The following ADAMTSL1 variants were observed in gnomAD, a reference collection of about 807,000 sequenced individuals.
ADAMTSL1 encodes the protein ADAMTS like 1.
ADAMTSL1 carries 126 observed loss-of-function variants against 201.8 expected under a neutral mutation model. That is an observed-to-expected ratio of 0.62 (90% confidence interval 0.54 to 0.72). ADAMTSL1 has a LOEUF of 0.72. Among genes scored for constraint, ADAMTSL1 ranks in the 30% least tolerant of loss-of-function variants. The pLI is 0.00. For missense variants in ADAMTSL1, 2,679 were observed against 2,277.8 expected, an observed-to-expected ratio of 1.18 and a Z score of -3.59; for synonymous variants, 1,121 against 903.4, an observed-to-expected ratio of 1.24 and a Z score of -4.32.
At chr9:17,908,935 C>A (rs1463666806) in intron 1 of ADAMTSL1, among the ~76,000 whole-genome samples, 1 of 151,742 alleles carries the variant, frequency 6.6e-6, no homozygotes, top group Non-Finnish European at 1.5e-5. Context: ...ACAGTCCCAC[C>A]AACAGTGTAA....
intron 2 of ADAMTSL1, among the ~76,000 whole-genome samples, chr9:18,433,421 A>T (rs1377479543): frequency 6.6e-6 from 1 of 152,146 alleles, no homozygotes; most frequent in East Asian, 1.9e-4. Flanking sequence ...TATAATATAA[A>T]TTATTGGAAT....
chr9:18,488,899 T>C (rs1032051474), intron 1 of ADAMTSL1, among the ~76,000 whole-genome samples: 4 of 152,194 alleles, frequency 2.6e-5, no homozygotes, highest in African/African-American at 9.6e-5. Context: ...CTGGAGCACA[T>C]TGAAGCCAGT....
chr9:18,540,196 C>T (rs1012764739), intron 3 of ADAMTSL1, among the ~76,000 whole-genome samples: 2 of 152,108 alleles, frequency 1.3e-5, no homozygotes, highest in African/African-American at 4.8e-5. Flanking sequence ...TTTTTCTAGG[C>T]ACTGGCGTAT....
intron 9 of ADAMTSL1, among the ~76,000 whole-genome samples, chr9:18,674,206 A>G (rs1379541678): frequency 7.0e-6 from 1 of 143,692 alleles, no homozygotes; most frequent in Non-Finnish European, 1.5e-5. Flanking sequence ...AGGCACACAC[A>G]CACACACACA....
At chr9:18,449,443 T>C (rs73418924) in intron 2 of ADAMTSL1, among the ~76,000 whole-genome samples, 6,401 of 152,142 alleles carry the variant, frequency 0.042, 415 homozygotes, top group African/African-American at 0.15. Flanking sequence ...CATATGACTA[T>C]TAATTATATC....
At chr9:18,180,417 CAGCTACTTGGGAGGCTGAGGCAGGAGA>C (rs1441417599) in intron 2 of ADAMTSL1, among the ~76,000 whole-genome samples, 2 of 150,816 alleles carry the variant, frequency 1.3e-5, no homozygotes, top group African/African-American at 4.9e-5. Flanking sequence ...CCTGTAGTCC[CAGCTACTTGGGAGGCTGAGGCAGGAGA>C]ATGGCGTGAA....
At chr9:18,399,286 T>TATATATATATATATATATATAC (rs1563934626) in intron 2 of ADAMTSL1, among the ~76,000 whole-genome samples, 108 of 62,556 alleles carry the variant, frequency 1.7e-3, no homozygotes, top group Non-Finnish European at 3.0e-3. Flanking sequence ...TTTACATATA[T>TATATATATATATATATATATAC]ATATATATAT....
intron 17 of ADAMTSL1, among the ~76,000 whole-genome samples, chr9:18,774,119 G>A (rs1040717521): frequency 6.6e-6 from 1 of 152,078 alleles, no homozygotes; most frequent in Non-Finnish European, 1.5e-5. Context: ...CACTCCCACA[G>A]CCCTCATTCA....
At chr9:18,849,053 A>G (rs545017803) in intron 23 of ADAMTSL1, among the ~76,000 whole-genome samples, 1 of 152,292 alleles carries the variant, frequency 6.6e-6, no homozygotes, top group Non-Finnish European at 1.5e-5. Flanking sequence ...TTTCTCATCA[A>G]CCTCAGCTCT....
intron 1 of ADAMTSL1, among the ~76,000 whole-genome samples, chr9:18,055,011 C>T (rs1053968272): frequency 6.6e-6 from 1 of 152,174 alleles, no homozygotes; most frequent in African/African-American, 2.4e-5. Context: ...GAATGGATTT[C>T]CGGAGTGGGT....
intron 9 of ADAMTSL1, among the ~76,000 whole-genome samples, chr9:18,674,485 C>A (rs1453280000): frequency 6.6e-6 from 1 of 152,002 alleles, no homozygotes; most frequent in Non-Finnish European, 1.5e-5. Flanking sequence ...CTCCTTCTTA[C>A]CTTTCATCAT....
chr9:17,913,035 G>T (rs889004189), intron 1 of ADAMTSL1, among the ~76,000 whole-genome samples: 1 of 151,930 alleles, frequency 6.6e-6, no homozygotes, highest in African/African-American at 2.4e-5. Flanking sequence ...GTTCTGTTCT[G>T]TTCTGTTTCA....
intron 2 of ADAMTSL1, among the ~76,000 whole-genome samples, chr9:18,223,544 A>G (rs552273212): frequency 1.3e-5 from 2 of 152,046 alleles, no homozygotes; most frequent in Non-Finnish European, 2.9e-5. Context: ...TAATCTCTTT[A>G]AATCTGACTT....
intron 2 of ADAMTSL1, among the ~76,000 whole-genome samples, chr9:18,509,893 C>A (rs750695251): frequency 5.9e-5 from 9 of 152,136 alleles, no homozygotes; most frequent in Non-Finnish European, 1.3e-4. Context: ...GGATAATGAA[C>A]TTCATGGGTT....
At chr9:18,621,075 T>C (rs1826009036) in intron 4 of ADAMTSL1, among the ~76,000 whole-genome samples, 1 of 152,208 alleles carries the variant, frequency 6.6e-6, no homozygotes, top group African/African-American at 2.4e-5. Flanking sequence ...GTGAGGACTT[T>C]ATGAAGAGAA....
At chr9:18,615,857 G>A (rs961594373) in intron 4 of ADAMTSL1, among the ~76,000 whole-genome samples, 6 of 152,136 alleles carry the variant, frequency 3.9e-5, no homozygotes, top group African/African-American at 1.4e-4. Context: ...CTCAGTGACA[G>A]AGAGTGCTGC....
chr9:18,531,786 G>C (rs1391884728), intron 2 of ADAMTSL1, among the ~76,000 whole-genome samples: 1 of 152,142 alleles, frequency 6.6e-6, no homozygotes, highest in Non-Finnish European at 1.5e-5. Context: ...CAGAAGCTCT[G>C]TGGACGTTTA....
chr9:17,952,725 C>G (rs111962517), intron 1 of ADAMTSL1, among the ~76,000 whole-genome samples: 3 of 152,258 alleles, frequency 2.0e-5, no homozygotes, highest in African/African-American at 7.2e-5. Context: ...CGGGGTTTCA[C>G]CACGTTGGCC....
intron 1 of ADAMTSL1, among the ~76,000 whole-genome samples, 185 bp downstream of exon 1, chr9:18,474,480 CA>C (rs1821353700): frequency 1.3e-5 from 2 of 152,084 alleles, no homozygotes; most frequent in African/African-American, 4.8e-5. Flanking sequence ...ACTTCCCAAG[CA>C]AGATAAAGTC....
Sources: allele counts gnomAD v4.1 joint callset (sites outside exome capture counted in the v4.1 genomes callset), GRCh38; gene constraint gnomAD v4.1.1; transcripts MANE v1.5; gene names NCBI Gene and HGNC (gene_info 2026-07-23, HGNC 2026-07-21).